SCARF2: variants seen among roughly 807,000 people sequenced by gnomAD.
SCARF2 encodes the protein scavenger receptor class F member 2.
SCARF2 carries 39 observed loss-of-function variants against 73.4 expected under a neutral mutation model. The ratio of observed to expected loss-of-function variants is 0.53; its 90% CI spans 0.41 to 0.69. The LOEUF is 0.69. Among genes scored for constraint, SCARF2 ranks in the 30% least tolerant of loss-of-function variants. The probability of loss-of-function intolerance (pLI) is 0.00; values close to 1 mark genes in which losing one functional copy is unlikely to be tolerated. For missense variants in SCARF2, 1,148 were observed against 1,303.5 expected (o/e 0.88, Z 1.84); for synonymous variants, 605 against 590.0 (o/e 1.03, Z -0.37).
chr22:20,434,466 C>G (rs1273909310), intron 1 of SCARF2, among the ~76,000 whole-genome samples: 4 of 152,246 alleles, frequency 2.6e-5, no homozygotes, highest in Non-Finnish European at 4.4e-5. Context: ...AGCGGGCACC[C>G]AGGCCTAACC....
rs1216114747 is a variant in SCARF2 at position 20,425,826 on chromosome 22, C to T, written c.2150G>A (p.Arg717His). 28 of 1,549,978 alleles carry T rather than the reference C, an allele frequency of 1.8e-5. No homozygotes were observed. Among genetic ancestry groups the T allele is most frequent in the South Asian group, 8.2e-5 (7 of 85,022 alleles). The change falls in exon 11 of 11, where the codon CGC becomes CAC. Residue 717 changes from arginine (R) to histidine (H), a missense_variant. By Grantham distance (29) the Arg-to-His change is conservative (BLOSUM62 0). Coordinates refer to ENST00000622235, the MANE Select transcript of SCARF2 (RefSeq NM_182895.5). The surrounding 1 kb of genome is among the most constrained non-coding windows in gnomAD (Gnocchi z 4.6). ...HTVEHGSPRT[R>H]DPTPRPPGLP... ...CCCGGGGGGCCGCGGCGTTGGGTCG[C>T]GGGTCCGGGGGCTGCCGTGTTCGAC...
At chr22:20,428,660 C>T (rs2052607279) in intron 9 of SCARF2, among the ~76,000 whole-genome samples, 1 of 152,148 alleles carries the variant, frequency 6.6e-6, no homozygotes, top group South Asian at 2.1e-4. Flanking sequence ...GAGCCCCCTT[C>T]CCCTCCATCT....
At position 20,431,350 on chromosome 22, in the gene SCARF2, G is replaced by A. The variant is rs1211915416; in HGVS notation, c.522C>T (p.Pro174=). The part of the protein sequence containing the change: ...HPRSGACRCE[P]GWWGAQCASA... ...TGGCGCACTGCGCGCCCCACCAGCC[G>A]GGCTCACAGCGGCACGCGCCGCTCC... Residue 174 remains proline (P), a synonymous_variant, in exon 4 of 11, where the codon CCC becomes CCT. Coordinates refer to ENST00000622235, the MANE Select transcript of SCARF2 (RefSeq NM_182895.5). 6.6e-7 allele frequency: 1 copy of A among 1,511,338 alleles called. No individual in the cohort carries two copies. 93.6% of individuals were successfully genotyped at this position (1,511,338 alleles called of 1,614,324 possible). A position where few individuals can be genotyped will look rare whatever the true frequency, so the allele number is the denominator to read the frequency against.
At chr22:20,430,378 C>G in intron 6 of SCARF2, 51 bp downstream of exon 6, 1 of 1,556,452 alleles carries the variant, frequency 6.4e-7, no homozygotes, top group South Asian at 1.2e-5. Context: ...CTGGACCCCC[C>G]TCTGTGGCAG....
Position 20,425,454 on chromosome 22 carries a change from G to A in SCARF2, c.2522C>T (p.Thr841Ile), listed in dbSNP as rs537247534. 1.2e-3 allele frequency: 1,648 copies of A among 1,418,186 alleles called. 6 individuals carry two copies. The Middle Eastern group carries it at 0.016, about 14-fold the overall frequency. 87.9% of individuals were successfully genotyped at this position (1,418,186 alleles called of 1,614,324 possible). ...CTTGCGCGGCGGCTTCTGGATGGGG[G>A]TCTTCTTCCGGGGGGTCTCAGGCGC... ...LPAPETPRKK[T>I]PIQKPPRKKS... Residue 841 changes from threonine to isoleucine, a missense_variant, in exon 11 of 11, where the codon ACC (threonine) becomes ATC (isoleucine). Physicochemically the swap from Thr to Ile is moderately conservative, Grantham distance 89 (BLOSUM62 -1). Transcript: ENST00000622235. This position sits in a 1 kb window ranked among gnomAD's most constrained non-coding sequence, Gnocchi z 4.6.
Position 20,429,404 on chromosome 22 carries a change from C to A in SCARF2, c.1425-64G>T. 1 of 1,555,340 alleles carries A rather than the reference C, an allele frequency of 6.4e-7. No homozygotes were observed. Among genetic ancestry groups the A allele is most frequent in the Non-Finnish European group, 8.7e-7 (1 of 1,151,154 alleles). ...GCGGGGCCCAGGGGCGATTAGATCTCGGCCGGAGCCAAGCACAGAAGGGGC... is the reference window on the plus strand; with the variant it reads ...GCGGGGCCCAGGGGCGATTAGATCTAGGCCGGAGCCAAGCACAGAAGGGGC... On this transcript the variant is annotated intron_variant, in intron 8 of 10. Coordinates refer to ENST00000622235, the MANE Select transcript of SCARF2 (RefSeq NM_182895.5). The surrounding 1 kb of genome is among the most constrained non-coding windows in gnomAD (Gnocchi z 5.2).
At chr22:20,437,418 A>T (rs1220098252) in intron 1 of SCARF2, among the ~76,000 whole-genome samples, 164 bp downstream of exon 1, 1 of 152,136 alleles carries the variant, frequency 6.6e-6, no homozygotes, top group African/African-American at 2.4e-5. Flanking sequence ...GTCGTGGCCC[A>T]TGGCCGAGGC....
intron 9 of SCARF2, among the ~76,000 whole-genome samples, chr22:20,428,267 C>CTCTTT (rs1444588975): frequency 1.6e-4 from 19 of 121,758 alleles, no homozygotes; most frequent in African/African-American, 5.8e-4. Flanking sequence ...CTCTTCTCTT[C>CTCTTT]TCTTCTCCTC....
In SCARF2 at chr22:20,431,698, C is replaced by A. The variant is rs372966913; in HGVS notation, c.334+47G>T. 1.2e-4 allele frequency: 172 copies of A among 1,431,472 alleles called. 1 individual carries two copies. The African/African-American group carries it at 2.2e-3, about 19-fold the overall frequency. The allele number at this position is 1,431,472 out of a possible 1,614,324, so 88.7% of individuals were successfully genotyped here. On this transcript the variant is annotated intron_variant, in intron 3 of 10. Coordinates refer to ENST00000622235, the MANE Select transcript of SCARF2 (RefSeq NM_182895.5). ...CCACCTTGGACCCCGCCCCATCTCT[C>A]CAGGATTCCGCCCCACCGACCAATA...
Position 20,431,119 on chromosome 22 carries a change from G to A in SCARF2, c.753C>T (p.Cys251=), listed in dbSNP as rs779472511. 6 of 1,561,620 alleles carry A rather than the reference G, an allele frequency of 3.8e-6. No individual in the cohort carries two copies. The highest frequency in any genetic ancestry group is 1.7e-4 in the Middle Eastern group (1 of 5,790). Reference sequence around the variant, plus strand: ...AGGCACACGTGCCGTCCACAGGGTGGCAGCGGCCGCGGAAGCACTGGCAGT... The same window carrying A: ...AGGCACACGTGCCGTCCACAGGGTGACAGCGGCCGCGGAAGCACTGGCAGT... ...DRYCQCFRGR[C]HPVDGTCACE... The change falls in exon 4 of 11, where the codon TGC becomes TGT. Residue 251 remains cysteine (C), a synonymous_variant. Coordinates refer to ENST00000622235, the MANE Select transcript of SCARF2 (RefSeq NM_182895.5).
intron 5 of SCARF2, 42 bp downstream of exon 5, chr22:20,430,648 G>C (rs1026269923): frequency 2.5e-6 from 4 of 1,599,416 alleles, no homozygotes; most frequent in Admixed American, 1.7e-5. Context: ...GAGGCAGGGC[G>C]GGGGACTGCG....
intron 1 of SCARF2, among the ~76,000 whole-genome samples, chr22:20,432,460 A>G (rs1180116142): frequency 6.6e-6 from 1 of 152,114 alleles, no homozygotes; most frequent in Admixed American, 6.5e-5. Context: ...CCACAGGGAC[A>G]CACCTAGATG....
In SCARF2 at chr22:20,425,589, T is replaced by C; in HGVS notation, c.2387A>G (p.Lys796Arg). 1.5e-6 allele frequency: 2 copies of C among 1,342,478 alleles called. No individual in the cohort carries two copies. The highest frequency in any genetic ancestry group is 1.8e-5 in the South Asian group (1 of 54,460). The allele number at this position is 1,342,478 out of a possible 1,614,324, so 83.2% of individuals were successfully genotyped here. Residue 796 changes from lysine to arginine, a missense_variant, in exon 11 of 11, where the codon AAG becomes AGG. Transcript: ENST00000622235. The surrounding 1 kb of genome is among the most constrained non-coding windows in gnomAD (Gnocchi z 4.6). Reference protein sequence around the residue: ...VALGAQGPREKPAPPQKAKRS... With the variant: ...VALGAQGPRERPAPPQKAKRS... ...CTTGGCTTTCTGTGGGGGCGCCGGC[T>C]TTTCCCTGGGGCCCTGCGCGCCCAG...
Position 20,431,500 on chromosome 22 carries a change from C to A in SCARF2, c.372G>T (p.Glu124Asp). 1 of 1,577,916 alleles carries A rather than the reference C, an allele frequency of 6.3e-7. No individual in the cohort carries two copies. Among genetic ancestry groups the A allele is most frequent in the Non-Finnish European group, 8.5e-7 (1 of 1,170,462 alleles). ...PRQFWGPDCK[E>D]LCSCHPHGQC... ...GCCCGTGTGGGTGGCAGCTACACAG[C>A]TCCTTGCAGTCGGGGCCCCAGAACT... Residue 124 changes from glutamate (E) to aspartate (D), a missense_variant, in exon 4 of 11, where the codon GAG (glutamate) becomes GAT (aspartate). Coordinates refer to ENST00000622235, the MANE Select transcript of SCARF2 (RefSeq NM_182895.5).
At chr22:20,430,940 G>C in intron 4 of SCARF2, 32 bp from the exon 5 acceptor site, 1 of 1,563,320 alleles carries the variant, frequency 6.4e-7, no homozygotes, top group East Asian at 2.3e-5. Flanking sequence ...AGGGAAGGCT[G>C]GGACCCGCCT....
rs745967856 is a variant in SCARF2, at chr22:20,430,729, C to A, written c.1034G>T (p.Gly345Val). The A allele has an allele frequency of 6.2e-7, 1 of 1,606,836 alleles. No individual in the cohort carries two copies. Among genetic ancestry groups the A allele is most frequent in the Non-Finnish European group, 8.5e-7 (1 of 1,177,182 alleles). Residue 345 changes from glycine (G) to valine (V), a missense_variant, in exon 5 of 11, where the codon GGC becomes GTC. Transcript: ENST00000622235. Reference sequence around the variant, plus strand: ...GCCCGCGTTGCAGCGCGTACACTTGCCGGTGACATGGTTACAGGCATGCCC... The same window carrying A: ...GCCCGCGTTGCAGCGCGTACACTTGACGGTGACATGGTTACAGGCATGCCC... ...RDGHACNHVT[G>V]KCTRCNAGWI...
rs185645647 is a variant in SCARF2 at position 20,431,669 on chromosome 22, C to A, written c.334+76G>T. 1.1e-4 allele frequency: 166 copies of A among 1,522,314 alleles called. No individual in the cohort carries two copies. In the African/African-American group the frequency reaches 1.7e-3, roughly 16 times the overall value. 94.3% of individuals were successfully genotyped at this position (1,522,314 alleles called of 1,614,324 possible). ...CCCGCCCCGAAGGCGGATCCGACCCCGCCCCACCTTGGACCCCGCCCCATC... is the reference window on the plus strand; with the variant it reads ...CCCGCCCCGAAGGCGGATCCGACCCAGCCCCACCTTGGACCCCGCCCCATC... On this transcript the variant is annotated intron_variant, in intron 3 of 10. Coordinates refer to ENST00000622235, the MANE Select transcript of SCARF2 (RefSeq NM_182895.5).
At chr22:20,434,209 C>G (rs1055820207) in intron 1 of SCARF2, among the ~76,000 whole-genome samples, 1 of 152,162 alleles carries the variant, frequency 6.6e-6, no homozygotes, top group Non-Finnish European at 1.5e-5. Flanking sequence ...AAGAGGATTG[C>G]TTGAGCCCAA....
At position 20,427,430 on chromosome 22, in the gene SCARF2, T is replaced by C; in HGVS notation, c.1661A>G (p.Asp554Gly). ...GGGTACACAGTACACAGGGCCTTCATCAGTGGTGTCAAACGAGGAGAAGGA... is the reference window on the plus strand; with the variant it reads ...GGGTACACAGTACACAGGGCCTTCACCAGTGGTGTCAAACGAGGAGAAGGA... ...RASFSSFDTT[D>G]EGPVYCVPHE... Residue 554 changes from aspartate to glycine, a missense_variant, in exon 10 of 11, where the codon GAT (aspartate) becomes GGT (glycine). Physicochemically the swap from Asp to Gly is moderately conservative, Grantham distance 94. This residue lies in a region of SCARF2 where 437 missense variants were observed against 433.6 expected (regional missense o/e 1.01). Coordinates refer to ENST00000622235, the MANE Select transcript of SCARF2 (RefSeq NM_182895.5). The C allele has an allele frequency of 6.2e-7, 1 of 1,614,162 alleles. No homozygotes were observed. The highest frequency in any genetic ancestry group is 8.5e-7 in the Non-Finnish European group (1 of 1,180,028).
Sources: allele counts gnomAD v4.1 joint callset (sites outside exome capture counted in the v4.1 genomes callset), GRCh38; gene constraint gnomAD v4.1.1; regional missense constraint gnomAD v4.1.1; non-coding constraint Gnocchi (gnomAD v3.1); transcripts MANE v1.5; gene names NCBI Gene and HGNC (gene_info 2026-07-23, HGNC 2026-07-21).